The following SGCZ variants were observed in gnomAD, a reference collection of about 807,000 sequenced individuals.
The protein encoded by SGCZ is zeta-sarcoglycan.
In SGCZ, 40 loss-of-function variants were observed where a neutral mutation model predicts 41.3. That is an observed-to-expected ratio of 0.97 (90% CI 0.75 to 1.26). The LOEUF is 1.26. Ranked by LOEUF, SGCZ falls within the 50% of genes most tolerant of loss-of-function variation. The probability of loss-of-function intolerance (pLI) is 0.00; values close to 1 mark genes in which losing one functional copy is unlikely to be tolerated. For synonymous variants in SGCZ, 206 were observed against 137.5 expected (o/e 1.50, Z -3.49); for missense variants, 552 against 369.8 (o/e 1.49, Z -4.04).
intron 4 of SGCZ, among the ~76,000 whole-genome samples, chr8:14,223,020 C>G (rs1054502662): frequency 6.6e-6 from 1 of 151,836 alleles, no homozygotes; most frequent in African/African-American, 2.4e-5. Context: ...CCATGTAGGC[C>G]AGGATGGTCT....
intron 1 of SGCZ, among the ~76,000 whole-genome samples, chr8:14,831,644 G>A (rs1307988482): frequency 6.7e-6 from 1 of 150,272 alleles, no homozygotes; most frequent in African/African-American, 2.4e-5. Flanking sequence ...GTGTGTGTGT[G>A]TATATATATA....
Position 14,660,143 on chromosome 8 carries a change from A to C in SGCZ, c.40-105217T>G, listed in dbSNP as rs528105750. ...AGACAACAAGGAAAACGAAACATGC[A>C]GTGTATTGCCAGAATACAATATTGC... On this transcript the variant is annotated intron_variant, in intron 1 of 7. Transcript: ENST00000382080. 2.0e-4 allele frequency among the ~76,000 whole-genome samples: 30 copies of C among 152,282 alleles called. 1 individual carries two copies. The highest frequency in any genetic ancestry group is 3.2e-4 in the Non-Finnish European group (22 of 68,026).
chr8:14,653,580 T>G (rs1807469537), intron 1 of SGCZ, among the ~76,000 whole-genome samples: 1 of 152,120 alleles, frequency 6.6e-6, no homozygotes, highest in Admixed American at 6.6e-5. Context: ...CAACCAATGT[T>G]TACCTTTCTC....
intron 1 of SGCZ, among the ~76,000 whole-genome samples, chr8:14,665,697 G>C (rs557502020): frequency 6.6e-6 from 1 of 151,998 alleles, no homozygotes; most frequent in African/African-American, 2.4e-5. Flanking sequence ...CATTCATCAT[G>C]TTTATAGAAT....
At chr8:14,811,516 A>ATTTTTTTT (rs1291833711) in intron 1 of SGCZ, among the ~76,000 whole-genome samples, 1 of 45,118 alleles carries the variant, frequency 2.2e-5, no homozygotes, top group Non-Finnish European at 4.2e-5. Flanking sequence ...AAGACACTGC[A>ATTTTTTTT]TCTTTTTTTT....
chr8:14,180,287 T>A (rs554540145), intron 4 of SGCZ, among the ~76,000 whole-genome samples: 263 of 152,184 alleles, frequency 1.7e-3, no homozygotes, highest in African/African-American at 6.1e-3. Flanking sequence ...AATGACACAC[T>A]TATCTATAAC....
chr8:15,103,580 A>G (rs553586550), intron 1 of SGCZ, among the ~76,000 whole-genome samples: 1 of 152,234 alleles, frequency 6.6e-6, no homozygotes, highest in African/African-American at 2.4e-5. Context: ...AGATTCTAAT[A>G]AAGGAGTCTA....
chr8:15,061,755 A>G (rs1281029191), intron 1 of SGCZ, among the ~76,000 whole-genome samples: 2 of 152,068 alleles, frequency 1.3e-5, no homozygotes, highest in Admixed American at 6.6e-5. Flanking sequence ...ATGACTTCCC[A>G]TTCTCCAAAA....
intron 2 of SGCZ, among the ~76,000 whole-genome samples, chr8:14,456,418 AAAAT>A (rs776050365): frequency 4.6e-5 from 7 of 152,202 alleles, no homozygotes; most frequent in African/African-American, 1.2e-4. Context: ...CAAAAAATTA[AAAAT>A]AAATAAATAG....
chr8:15,005,020 A>T lies in SGCZ; in HGVS notation c.39+232565T>A, dbSNP rs55869298. 2.5e-3 allele frequency among the ~76,000 whole-genome samples: 374 copies of T among 152,264 alleles called. 2 individuals are homozygous for T. The highest frequency in any genetic ancestry group is 7.9e-3 in the African/African-American group (329 of 41,568). ...ACTGATGTATGCAGTGGTCAGGTTG[A>T]AAACTGATGTTCTATACTCTGCTCT... On this transcript the variant is annotated intron_variant, in intron 1 of 7. Coordinates refer to ENST00000382080, the MANE Select transcript of SGCZ (RefSeq NM_139167.4).
chr8:14,819,693 A>T (rs1312071123), intron 1 of SGCZ, among the ~76,000 whole-genome samples: 1 of 152,154 alleles, frequency 6.6e-6, no homozygotes, highest in African/African-American at 2.4e-5. Flanking sequence ...CACACAACAG[A>T]TAAATAAGTA....
chr8:14,464,390 C>A (rs1800988140), intron 2 of SGCZ, among the ~76,000 whole-genome samples: 2 of 150,952 alleles, frequency 1.3e-5, no homozygotes, highest in Admixed American at 1.3e-4. Context: ...ATTTTTAGTT[C>A]ACAGTTGCAT....
At chr8:15,018,171 T>C (rs1048139802) in intron 1 of SGCZ, among the ~76,000 whole-genome samples, 3 of 152,152 alleles carry the variant, frequency 2.0e-5, no homozygotes, top group Admixed American at 1.3e-4. Context: ...AAAACCTACA[T>C]CCTCTGGAAT....
chr8:14,846,593 A>C (rs142130566), intron 1 of SGCZ, among the ~76,000 whole-genome samples: 2,875 of 151,844 alleles, frequency 0.019, 56 homozygotes, highest in Middle Eastern at 0.051. Context: ...AAATGGTCAG[A>C]TCTCTTTAAA....
intron 2 of SGCZ, among the ~76,000 whole-genome samples, chr8:14,464,249 C>A (rs895729138): frequency 6.6e-6 from 1 of 150,798 alleles, no homozygotes; most frequent in Non-Finnish European, 1.5e-5. Context: ...AAATCTGGGG[C>A]TTTTCTTTGT....
intron 1 of SGCZ, among the ~76,000 whole-genome samples, chr8:14,606,780 G>A (rs777811084): frequency 5.3e-5 from 8 of 152,114 alleles, no homozygotes; most frequent in Non-Finnish European, 8.8e-5. Context: ...TGAATAAGAA[G>A]AAATGCTATG....
At chr8:14,215,891 C>T (rs368690870) in intron 4 of SGCZ, among the ~76,000 whole-genome samples, 15 of 152,224 alleles carry the variant, frequency 9.9e-5, no homozygotes, top group African/African-American at 3.4e-4. Flanking sequence ...CCCGCAGACA[C>T]TGGACGAAAG....
At chr8:14,188,317 G>T (rs1281715193) in intron 4 of SGCZ, among the ~76,000 whole-genome samples, 2 of 152,144 alleles carry the variant, frequency 1.3e-5, no homozygotes, top group African/African-American at 4.8e-5. Context: ...CTTCCTTTGT[G>T]TGATTTAAAA....
At chr8:14,328,232 T>G (rs1802193012) in intron 2 of SGCZ, among the ~76,000 whole-genome samples, 1 of 152,370 alleles carries the variant, frequency 6.6e-6, no homozygotes, top group East Asian at 1.9e-4. Context: ...CTTTTCCTTC[T>G]GCAAGAGCAT....
Sources: allele counts gnomAD v4.1 joint callset (sites outside exome capture counted in the v4.1 genomes callset), GRCh38; gene constraint gnomAD v4.1.1; transcripts MANE v1.5; gene names NCBI Gene and HGNC (gene_info 2026-07-23, HGNC 2026-07-21).